CTBP2: variants seen among roughly 807,000 people sequenced by gnomAD.
CTBP2 encodes the protein C-terminal binding protein 2, also known as C-terminal-binding protein 2.
CTBP2 carries 30 observed loss-of-function variants against 80.3 expected under a neutral mutation model. The ratio of observed to expected loss-of-function variants is 0.37; its 90% CI spans 0.28 to 0.51. CTBP2 has a LOEUF of 0.51. Among genes scored for constraint, CTBP2 ranks in the 20% least tolerant of loss-of-function variants. The pLI is 0.93. For synonymous variants in CTBP2, 594 were observed against 587.4 expected, an observed-to-expected ratio of 1.01 and a Z score of -0.16; for missense variants, 1,212 against 1,375.3, an observed-to-expected ratio of 0.88 and a Z score of 1.88.
At chr10:125,139,426 CAA>C (rs1480226703) in intron 1 of CTBP2, among the ~76,000 whole-genome samples, 1 of 149,806 alleles carries the variant, frequency 6.7e-6, no homozygotes, top group Non-Finnish European at 1.5e-5. Context: ...ATTATTCCAC[CAA>C]ATTAATGTAT....
chr10:125,034,165 TA>T lies in CTBP2; in HGVS notation c.58+4831del, dbSNP rs138803356. Among the ~76,000 whole-genome samples the T allele has an allele frequency of 4.3e-3, 661 of 152,122 alleles. 7 individuals carry two copies. Among genetic ancestry groups the T allele is most frequent in the Middle Eastern group, 0.017 (5 of 294 alleles). ...TGAGAAATGAGTAACAACAGAGAAA[TA>T]AAACACCGAACCTGATTCACAGCTG... On this transcript the variant is annotated intron_variant, in intron 3 of 10. Transcript: ENST00000337195.
chr10:125,105,012 A>G (rs1374575045), intron 2 of CTBP2, among the ~76,000 whole-genome samples: 2 of 152,108 alleles, frequency 1.3e-5, no homozygotes, highest in African/African-American at 2.4e-5. Flanking sequence ...TTATTTATTA[A>G]TTTATTTGAG....
intron 2 of CTBP2, among the ~76,000 whole-genome samples, chr10:125,056,196 GTAATAATAA>G (rs1161257545): frequency 6.8e-6 from 1 of 147,732 alleles, no homozygotes; most frequent in Non-Finnish European, 1.5e-5. Flanking sequence ...AATAATAATA[GTAATAATAA>G]TAATAATAAC....
At chr10:125,025,551 A>G (rs1957449628) in intron 1 of CTBP2, among the ~76,000 whole-genome samples, 1 of 152,242 alleles carries the variant, frequency 6.6e-6, no homozygotes, top group Non-Finnish European at 1.5e-5. Context: ...AAGTATGCAA[A>G]CACACACATT....
At chr10:125,091,297 C>T (rs530047381) in intron 2 of CTBP2, among the ~76,000 whole-genome samples, 5 of 152,278 alleles carry the variant, frequency 3.3e-5, no homozygotes, top group Admixed American at 6.5e-5. Context: ...AGACACCCTC[C>T]GTATGCTCAG....
chr10:125,140,468 T>A (rs1857613622), intron 1 of CTBP2, among the ~76,000 whole-genome samples: 1 of 152,170 alleles, frequency 6.6e-6, no homozygotes, highest in Non-Finnish European at 1.5e-5. Flanking sequence ...AATGCAGTGA[T>A]CCCCACTTAA....
At chr10:125,072,999 C>A (rs759606088) in intron 2 of CTBP2, among the ~76,000 whole-genome samples, 27 of 152,174 alleles carry the variant, frequency 1.8e-4, no homozygotes, top group Non-Finnish European at 3.5e-4. Flanking sequence ...GACAGAATGG[C>A]AAACAGCTGA....
In CTBP2 at chr10:125,026,233, G is replaced by C. The variant is rs760488060; in HGVS notation, c.1527C>G (p.Pro509=). 6.8e-6 allele frequency: 11 copies of C among 1,613,670 alleles called. No individual in the cohort carries two copies. The highest frequency in any genetic ancestry group is 1.1e-5 in the South Asian group (1 of 91,072). Residue 509 remains proline (P), a synonymous_variant, in exon 1 of 9, where the codon CCC becomes CCG. Transcript: ENST00000309035. ...GTGCACCTGGCTTCCGCAAGACCTG[G>C]GGGCTGCCGTGAGGGCTGGGCAGCG...
intron 2 of CTBP2, among the ~76,000 whole-genome samples, chr10:125,052,931 TCTGA>T (rs958448313): frequency 2.0e-5 from 3 of 152,220 alleles, no homozygotes; most frequent in Non-Finnish European, 4.4e-5. Context: ...GAAAAACTTT[TCTGA>T]CTGTCAAAGC....
intron 1 of CTBP2, among the ~76,000 whole-genome samples, chr10:125,131,042 G>A (rs962805564): frequency 1.3e-5 from 2 of 152,222 alleles, no homozygotes; most frequent in African/African-American, 4.8e-5. Context: ...AGGCGGGGAG[G>A]CAGAGGGAGA....
chr10:125,036,530 A>T (rs1958884002), intron 3 of CTBP2, among the ~76,000 whole-genome samples: 1 of 152,064 alleles, frequency 6.6e-6, no homozygotes, highest in Non-Finnish European at 1.5e-5. Flanking sequence ...AACCTAAGGG[A>T]CGCAGAAGTC....
At chr10:125,023,541 C>T (rs1447374850) in intron 1 of CTBP2, among the ~76,000 whole-genome samples, 2 of 152,126 alleles carry the variant, frequency 1.3e-5, no homozygotes, top group South Asian at 2.1e-4. Context: ...AGCCTGAGAG[C>T]GACAGCCGAC....
chr10:125,027,914 T>A lies in CTBP2; in HGVS notation c.-155A>T. On this transcript the variant is annotated 5_prime_UTR_variant, in exon 1 of 9. Coordinates refer to ENST00000309035, the MANE Select transcript of CTBP2 (RefSeq NM_022802.3). Reference sequence around the variant, plus strand: ...TTTCTGTTTCAAAGCATGGCCTGAATTATTAATCCTCCGAAACCTTAGCAG... The same window carrying A: ...TTTCTGTTTCAAAGCATGGCCTGAAATATTAATCCTCCGAAACCTTAGCAG... 1.4e-6 allele frequency: 2 copies of A among 1,425,428 alleles called. No individual in the cohort carries two copies. The highest frequency in any genetic ancestry group is 1.4e-5 in the African/African-American group (1 of 69,626). 88.3% of individuals were successfully genotyped at this position (1,425,428 alleles called of 1,614,324 possible).
At chr10:125,017,796 C>A (rs371210422) in intron 1 of CTBP2, among the ~76,000 whole-genome samples, 1 of 152,180 alleles carries the variant, frequency 6.6e-6, no homozygotes, top group East Asian at 1.9e-4. Context: ...AGCAGGTGCT[C>A]GTGGAGCCAG....
chr10:125,075,184 T>G (rs1326792470), intron 2 of CTBP2, among the ~76,000 whole-genome samples: 1 of 152,222 alleles, frequency 6.6e-6, no homozygotes, highest in Non-Finnish European at 1.5e-5. Context: ...AGAACATATT[T>G]CAGTAAAAAT....
chr10:125,074,169 C>A (rs535236355), intron 2 of CTBP2, among the ~76,000 whole-genome samples: 8 of 152,146 alleles, frequency 5.3e-5, no homozygotes, highest in Non-Finnish European at 1.0e-4. Context: ...TCCCTCAAGG[C>A]AAAGTCTCCT....
rs1222226205 is a variant in CTBP2 at position 124,989,681 on chromosome 10, A to T, written c.2795T>A (p.Val932Glu). The T allele has an allele frequency of 1.9e-6, 3 of 1,585,818 alleles. No individual in the cohort carries two copies. The highest frequency in any genetic ancestry group is 2.6e-6 in the Non-Finnish European group (3 of 1,165,228). Residue 932 changes from valine (V) to glutamate (E), a missense_variant, in exon 9 of 9, where the codon GTG (valine) becomes GAG (glutamate). Val to Glu is a moderately radical substitution (Grantham distance 121, BLOSUM62 -2). Transcript: ENST00000309035. ...AGGAAGTCCTCCTGGAGCCACACCC[A>T]CGATGCCTGGCGGATATCTAAGGAA...
At chr10:124,991,897 G>C (rs377522316) in intron 8 of CTBP2, among the ~76,000 whole-genome samples, 7 of 144,254 alleles carry the variant, frequency 4.9e-5, no homozygotes, top group African/African-American at 1.3e-4. Context: ...CAATAATGGG[G>C]GGGGGGGTGT....
upstream of CTBP2, among the ~76,000 whole-genome samples, chr10:125,030,336 C>T (rs1958048405): frequency 6.6e-6 from 1 of 152,138 alleles, no homozygotes; most frequent in African/African-American, 2.4e-5. Flanking sequence ...GATTGTGTAA[C>T]ATAGCTGTGT....
Sources: allele counts gnomAD v4.1 joint callset (sites outside exome capture counted in the v4.1 genomes callset), GRCh38; gene constraint gnomAD v4.1.1; transcripts MANE v1.5; gene names NCBI Gene and HGNC (gene_info 2026-07-23, HGNC 2026-07-21).